The following TAFA1 variants were observed in gnomAD, a reference collection of about 807,000 sequenced individuals.
TAFA1 encodes TAFA chemokine like family member 1.
In TAFA1, 4 loss-of-function variants were observed where a neutral mutation model predicts 18.5. The observed-to-expected ratio is 0.22, with a 90% CI of 0.11 to 0.49. The LOEUF (loss-of-function observed/expected upper bound fraction) is 0.49, where lower values mean the gene tolerates loss of function less well. Ranked by LOEUF, TAFA1 falls within the 20% of genes least tolerant of loss-of-function variation. The probability of loss-of-function intolerance (pLI) is 0.98; values close to 1 mark genes in which losing one functional copy is unlikely to be tolerated. For missense variants in TAFA1, 147 were observed against 169.0 expected, an observed-to-expected ratio of 0.87 and a Z score of 0.72; for synonymous variants, 56 against 55.2, an observed-to-expected ratio of 1.01 and a Z score of -0.06.
chr3:68,023,014 G>C (rs1267759513), intron 2 of TAFA1, among the ~76,000 whole-genome samples: 1 of 147,828 alleles, frequency 6.8e-6, no homozygotes, highest in African/African-American at 2.5e-5. Flanking sequence ...ATCAGGCTCA[G>C]AGAGGTTAAA....
intron 2 of TAFA1, among the ~76,000 whole-genome samples, chr3:68,160,841 T>A (rs1230492110): frequency 6.6e-6 from 1 of 152,182 alleles, no homozygotes; most frequent in Non-Finnish European, 1.5e-5. Context: ...TTAGGTCAGG[T>A]CTGGCTAACC....
chr3:68,123,171 A>T (rs2065421625), intron 2 of TAFA1, among the ~76,000 whole-genome samples: 1 of 151,962 alleles, frequency 6.6e-6, no homozygotes, highest in African/African-American at 2.4e-5. Flanking sequence ...TTAGGTTTGC[A>T]TCCTTAGATG....
chr3:68,126,958 A>T (rs967030943), intron 2 of TAFA1, among the ~76,000 whole-genome samples: 2 of 152,222 alleles, frequency 1.3e-5, no homozygotes, highest in Admixed American at 6.5e-5. Context: ...GGTTTAGAGC[A>T]TTTAATCTGC....
chr3:68,023,867 G>T (rs1195312664), intron 2 of TAFA1, among the ~76,000 whole-genome samples: 1 of 152,118 alleles, frequency 6.6e-6, no homozygotes, highest in African/African-American at 2.4e-5. Flanking sequence ...AACCTTTGAG[G>T]CTATGGAACT....
intron 2 of TAFA1, among the ~76,000 whole-genome samples, chr3:68,052,951 G>C (rs547755253): frequency 1.1e-4 from 17 of 152,262 alleles, no homozygotes; most frequent in African/African-American, 4.1e-4. Flanking sequence ...CATTTTCACT[G>C]CCACAAGCAG....
intron 2 of TAFA1, among the ~76,000 whole-genome samples, chr3:68,193,784 T>C (rs2066377494): frequency 6.6e-6 from 1 of 151,672 alleles, no homozygotes; most frequent in South Asian, 2.1e-4. Flanking sequence ...GTATCTATCA[T>C]ATATGGTAGC....
intron 2 of TAFA1, among the ~76,000 whole-genome samples, chr3:68,009,264 C>A (rs1575571372): frequency 1.3e-5 from 2 of 152,310 alleles, no homozygotes; most frequent in Non-Finnish European, 2.9e-5. Context: ...ACATAGTTGT[C>A]TCTCTTAATC....
At chr3:68,226,209 A>T (rs1271566553) in intron 2 of TAFA1, among the ~76,000 whole-genome samples, 1 of 152,228 alleles carries the variant, frequency 6.6e-6, no homozygotes, top group Non-Finnish European at 1.5e-5. Context: ...GGTATAACTG[A>T]AAATAAAATG....
In TAFA1 at chr3:68,383,974, C is replaced by T. The variant is rs186643217; in HGVS notation, c.119-33306C>T. Among the ~76,000 whole-genome samples, 513 of 151,826 alleles carry T rather than the reference C, an allele frequency of 3.4e-3. 4 individuals are homozygous for T. The highest frequency in any genetic ancestry group is 0.01 in the South Asian group (48 of 4,796). ...TCTAGTTTATGTGCATAGAGGTATT[C>T]ATAATATTTTCTGATGGTTGTTTGT... On this transcript the variant is annotated intron_variant, in intron 2 of 4. Transcript: ENST00000478136.
intron 2 of TAFA1, among the ~76,000 whole-genome samples, chr3:68,043,548 G>T (rs1705210364): frequency 6.6e-6 from 1 of 152,186 alleles, no homozygotes; most frequent in African/African-American, 2.4e-5. Context: ...AAATAAAGAA[G>T]TGAGTCCATT....
At chr3:68,107,631 G>T (rs1454028591) in intron 2 of TAFA1, among the ~76,000 whole-genome samples, 2 of 152,114 alleles carry the variant, frequency 1.3e-5, no homozygotes, top group African/African-American at 4.8e-5. Context: ...GAACTGTCAA[G>T]CGAGCTATAG....
intron 3 of TAFA1, among the ~76,000 whole-genome samples, chr3:68,433,651 C>G (rs1362167429): frequency 6.6e-6 from 1 of 152,064 alleles, no homozygotes; most frequent in African/African-American, 2.4e-5. Context: ...TGTAGTGGGA[C>G]AAGATCAAAT....
intron 2 of TAFA1, among the ~76,000 whole-genome samples, chr3:68,189,417 C>T (rs1173266479): frequency 2.0e-5 from 3 of 151,814 alleles, no homozygotes; most frequent in African/African-American, 4.8e-5. Flanking sequence ...TGGCTCTGTA[C>T]ACCCTGCTTA....
At chr3:68,405,894 C>T (rs897732951) in intron 2 of TAFA1, among the ~76,000 whole-genome samples, 10 of 151,826 alleles carry the variant, frequency 6.6e-5, no homozygotes, top group Non-Finnish European at 1.3e-4. Context: ...TCATCCTCCT[C>T]CAGTGTTGCC....
At chr3:68,412,204 C>T (rs1328954227) in intron 2 of TAFA1, among the ~76,000 whole-genome samples, 1 of 152,060 alleles carries the variant, frequency 6.6e-6, no homozygotes, top group East Asian at 1.9e-4. Flanking sequence ...TTACCATGCT[C>T]TTCCTTTTTC....
At chr3:68,423,612 C>T (rs17047687) in intron 3 of TAFA1, among the ~76,000 whole-genome samples, 3,827 of 152,148 alleles carry the variant, frequency 0.025, 75 homozygotes, top group East Asian at 0.09. Context: ...ATTGCACTTT[C>T]ATTGTTATGG....
chr3:68,085,282 A>T (rs951421901), intron 2 of TAFA1, among the ~76,000 whole-genome samples: 1 of 152,232 alleles, frequency 6.6e-6, no homozygotes, highest in Non-Finnish European at 1.5e-5. Flanking sequence ...GAAAGCTAAC[A>T]GTTTTCTCTC....
At chr3:68,034,592 C>A (rs1302185695) in intron 2 of TAFA1, among the ~76,000 whole-genome samples, 1 of 152,196 alleles carries the variant, frequency 6.6e-6, no homozygotes, top group Admixed American at 6.6e-5. Flanking sequence ...AGTGTCTTTA[C>A]AAAATGCTGA....
At chr3:68,333,538 G>A (rs1198197776) in intron 2 of TAFA1, among the ~76,000 whole-genome samples, 1 of 152,108 alleles carries the variant, frequency 6.6e-6, no homozygotes, top group Non-Finnish European at 1.5e-5. Context: ...CTACCTGGGT[G>A]ATGAAATAAT....
Sources: gnomAD v4.1 joint callset for allele counts (sites outside exome capture counted in the v4.1 genomes callset) on GRCh38, gnomAD v4.1.1 for gene constraint, MANE v1.5 for transcripts, NCBI Gene and HGNC (gene_info 2026-07-23, HGNC 2026-07-21) for gene names.